Variants in CETP observed in about 807,000 individuals in gnomAD.
CETP encodes cholesteryl ester transfer protein.
Under a neutral mutation model 66.5 loss-of-function variants are expected in CETP, and 56 were observed. The ratio of observed to expected loss-of-function variants is 0.84; its 90% CI spans 0.68 to 1.05. The LOEUF is 1.05. Ranked by LOEUF, CETP falls within the 50% of genes least tolerant of loss-of-function variation. The pLI is 0.00. For synonymous variants in CETP, 251 were observed against 245.7 expected (o/e 1.02, Z -0.20); for missense variants, 612 against 609.6 (o/e 1.00, Z -0.04).
At chr16:56,981,516 A>T (rs1335382256) in intron 12 of CETP, 131 bp from the exon 13 acceptor site, 32 of 1,147,116 alleles carry the variant, frequency 2.8e-5, no homozygotes, top group Non-Finnish European at 3.7e-5. Flanking sequence ...AGCAAATCTC[A>T]AGAGAGTGCC....
Position 56,973,369 on chromosome 16 carries a change from C to A in CETP, c.789C>A (p.Pro263=). The A allele has an allele frequency of 6.2e-7, 1 of 1,614,208 alleles. No homozygotes were observed. The highest frequency in any genetic ancestry group is 8.5e-7 in the Non-Finnish European group (1 of 1,180,044). The change falls in exon 9 of 16, where the codon CCC becomes CCA. Residue 263 remains proline (P), a synonymous_variant. Transcript: ENST00000200676. ...ACAAGAATGTCTCAGAGGACCTCCC[C>A]CTCCCCACCTTCTCGCCCACACTGC... ...FIYKNVSEDL[P]LPTFSPTLLG...
chr16:56,976,679 C>T (rs947510519), intron 10 of CETP, among the ~76,000 whole-genome samples: 1 of 152,018 alleles, frequency 6.6e-6, no homozygotes, highest in Non-Finnish European at 1.5e-5. Context: ...TGCCCCATCC[C>T]TATTTTCTCC....
chr16:56,982,897 TC>T (rs1324896014), intron 14 of CETP, among the ~76,000 whole-genome samples: 5 of 152,222 alleles, frequency 3.3e-5, no homozygotes, highest in Non-Finnish European at 7.3e-5. Flanking sequence ...GGCCTCATTT[TC>T]CCCATCTGAA....
intron 2 of CETP, among the ~76,000 whole-genome samples, chr16:56,966,983 A>G (rs1308187006): frequency 1.3e-5 from 2 of 151,958 alleles, no homozygotes; most frequent in African/African-American, 4.8e-5. Context: ...GGAGGTCAAG[A>G]ATTTAGTCAT....
At chr16:56,971,782 C>A (rs750243838) in intron 7 of CETP, among the ~76,000 whole-genome samples, 2 of 152,158 alleles carry the variant, frequency 1.3e-5, no homozygotes, top group African/African-American at 4.8e-5. Context: ...TCTGAACCAA[C>A]CTTCTAGAAG....
chr16:56,977,252 A>G (rs562541998), intron 10 of CETP, among the ~76,000 whole-genome samples: 1 of 151,660 alleles, frequency 6.6e-6, no homozygotes. Flanking sequence ...ATTTAATGAA[A>G]CCTTTTCTTG....
chr16:56,964,988 C>T (rs1365129641), intron 2 of CETP, among the ~76,000 whole-genome samples: 2 of 152,196 alleles, frequency 1.3e-5, no homozygotes. Context: ...TGGTGCGTGC[C>T]TGCAGTCCCA....
chr16:56,975,072 C>T (rs754135357), intron 9 of CETP, 29 bp from the exon 10 acceptor site: 2 of 1,612,066 alleles, frequency 1.2e-6, no homozygotes, highest in South Asian at 1.1e-5. Context: ...TTACTCCACC[C>T]ACCCTCCAAC....
At chr16:56,979,927 A>G (rs1277787665) in intron 11 of CETP, among the ~76,000 whole-genome samples, 1 of 152,232 alleles carries the variant, frequency 6.6e-6, no homozygotes, top group Non-Finnish European at 1.5e-5. Flanking sequence ...GGGGCCTTCG[A>G]TGTGGTGACT....
intron 8 of CETP, 22 bp from the exon 9 acceptor site, chr16:56,973,309 C>G: frequency 6.2e-7 from 1 of 1,613,818 alleles, no homozygotes; most frequent in Non-Finnish European, 8.5e-7. Context: ...CAGGGTCCAG[C>G]CAGCGTCCTG....
At chr16:56,974,502 G>C (rs1364067351) in intron 9 of CETP, among the ~76,000 whole-genome samples, 1 of 152,222 alleles carries the variant, frequency 6.6e-6, no homozygotes, top group African/African-American at 2.4e-5. Context: ...TTGCCAGATA[G>C]ATAGATGGAT....
rs550849686 is a variant in CETP, at chr16:56,962,247, G to C, written c.118+150G>C. 9.2e-6 allele frequency: 7 copies of C among 763,358 alleles called. No individual in the cohort carries two copies. In the Admixed American group the frequency reaches 1.3e-4, roughly 14 times the overall value. The allele number at this position is 763,358 out of a possible 1,614,324, so 47.3% of individuals were successfully genotyped here. ...GCCCTGGGAGGGAGATGGGCTGAGT[G>C]GAGCTGTCATCACCCCCTCCTGACC... On this transcript the variant is annotated intron_variant, in intron 1 of 15. Coordinates refer to ENST00000200676, the MANE Select transcript of CETP (RefSeq NM_000078.3).
intron 11 of CETP, 60 bp from the exon 12 acceptor site, chr16:56,981,098 G>C: frequency 1.6e-6 from 2 of 1,241,538 alleles, no homozygotes; most frequent in Non-Finnish European, 2.4e-6. Context: ...TGAGCTAGGA[G>C]GGTTGCTCTC....
chr16:56,963,769 A>G (rs2056043596), intron 2 of CETP, among the ~76,000 whole-genome samples: 1 of 151,884 alleles, frequency 6.6e-6, no homozygotes, highest in Admixed American at 6.6e-5. Flanking sequence ...TCTGGGTTCA[A>G]GGAATTTTCG....
intron 12 of CETP, 76 bp from the exon 13 acceptor site, chr16:56,981,571 T>C (rs756859331): frequency 4.6e-6 from 7 of 1,513,140 alleles, no homozygotes; most frequent in Non-Finnish European, 6.4e-6. Context: ...CTGCTATTCT[T>C]AGAGTTTCTT....
chr16:56,976,253 G>A (rs1329366130), intron 10 of CETP, among the ~76,000 whole-genome samples: 2 of 152,122 alleles, frequency 1.3e-5, no homozygotes, highest in Non-Finnish European at 2.9e-5. Context: ...CCCCACAGCA[G>A]CCAGAACAAT....
intron 9 of CETP, among the ~76,000 whole-genome samples, chr16:56,973,967 C>T (rs2056132178): frequency 6.6e-6 from 1 of 152,152 alleles, no homozygotes; most frequent in South Asian, 2.1e-4. Context: ...GGGATTTTTA[C>T]AATGCTCTTT....
In CETP at chr16:56,982,180, G is replaced by A. The variant is rs5882; in HGVS notation, c.1264G>A (p.Val422Ile). The change falls in exon 14 of 16, where the codon GTC (valine) becomes ATC (isoleucine). Residue 422 changes from valine to isoleucine, a missense_variant. Coordinates refer to ENST00000200676, the MANE Select transcript of CETP (RefSeq NM_000078.3). ...SNLTESSSES[V>I]QSFLQSMITA... ...TGATTGGCAGAGCAGCTCCGAGTCC[G>A]TCCAGAGCTTCCTGCAGTCAATGAT... 0.65 allele frequency: 1,051,218 copies of A among 1,613,398 alleles called. 346,892 individuals are homozygous for A. Among genetic ancestry groups the A allele is most frequent in the Non-Finnish European group, 0.68 (807,780 of 1,179,592 alleles).
At position 56,969,851 on chromosome 16, in the gene CETP, G is replaced by A. The variant is rs2056096263; in HGVS notation, c.440-63G>A. ...CTGGCCAAGCTCTTGACTGGCCTGG[G>A]CAGCATGTGGATACCATCTGATAGC... is the stretch of plus-strand genomic sequence containing the variant. On this transcript the variant is annotated intron_variant, in intron 4 of 15. Coordinates refer to ENST00000200676, the MANE Select transcript of CETP (RefSeq NM_000078.3). The A allele has an allele frequency of 1.9e-6, 3 of 1,577,856 alleles. No homozygotes were observed. In the South Asian group the frequency reaches 3.4e-5, roughly 18 times the overall value.
Sources: allele counts gnomAD v4.1 joint callset (sites outside exome capture counted in the v4.1 genomes callset), GRCh38; gene constraint gnomAD v4.1.1; transcripts MANE v1.5; gene names NCBI Gene and HGNC (gene_info 2026-07-23, HGNC 2026-07-21).